Variants in DIPK1A observed in about 807,000 individuals in gnomAD.
DIPK1A encodes the protein divergent protein kinase domain 1A.
In DIPK1A, 27 loss-of-function variants were observed where a neutral mutation model predicts 40.8. The observed-to-expected ratio is 0.66, with a 90% CI of 0.49 to 0.91. DIPK1A has a LOEUF of 0.91. Ranked by LOEUF, DIPK1A falls within the 40% of genes least tolerant of loss-of-function variation. DIPK1A has a pLI of 0.00. For synonymous variants in DIPK1A, 166 were observed against 171.3 expected (o/e 0.97, Z 0.24); for missense variants, 412 against 505.7 (o/e 0.81, Z 1.78).
chr1:92,958,180 C>T (rs1466916031), intron 1 of DIPK1A, among the ~76,000 whole-genome samples: 1 of 152,182 alleles, frequency 6.6e-6, no homozygotes, highest in Admixed American at 6.5e-5. Flanking sequence ...CCTGCATTAG[C>T]TCATGAATGT....
At chr1:92,886,151 AGTGAG>A (rs1648588839) in intron 1 of DIPK1A, among the ~76,000 whole-genome samples, 1 of 152,072 alleles carries the variant, frequency 6.6e-6, no homozygotes, top group Admixed American at 6.6e-5. Context: ...TGGATAACAC[AGTGAG>A]ACCCTGTCTC....
chr1:92,886,169 C>A (rs1216778392), intron 1 of DIPK1A, among the ~76,000 whole-genome samples: 1 of 151,764 alleles, frequency 6.6e-6, no homozygotes, highest in Non-Finnish European at 1.5e-5. Flanking sequence ...CCTGTCTCTA[C>A]AAAAAATAAA....
intron 1 of DIPK1A, among the ~76,000 whole-genome samples, chr1:92,946,556 T>TTAA (rs1274715622): frequency 6.6e-6 from 1 of 152,244 alleles, no homozygotes; most frequent in Non-Finnish European, 1.5e-5. Context: ...AAATTACAAC[T>TTAA]ATCAAACAAT....
At chr1:92,875,818 C>G (rs1648095427) in intron 2 of DIPK1A, among the ~76,000 whole-genome samples, 1 of 151,392 alleles carries the variant, frequency 6.6e-6, no homozygotes, top group Admixed American at 6.6e-5. Flanking sequence ...TTAATGATCA[C>G]TACTAGAAAT....
chr1:92,889,939 C>T (rs1029702442), intron 1 of DIPK1A, among the ~76,000 whole-genome samples: 1 of 152,202 alleles, frequency 6.6e-6, no homozygotes, highest in Non-Finnish European at 1.5e-5. Context: ...CGTGAGCCAC[C>T]ATGCCCAGCT....
chr1:92,870,995 G>C (rs569997505), intron 2 of DIPK1A, among the ~76,000 whole-genome samples: 1 of 152,278 alleles, frequency 6.6e-6, no homozygotes, highest in East Asian at 1.9e-4. Flanking sequence ...TTAATCCCAA[G>C]AGCCGAATTT....
At chr1:92,846,407 G>A (rs934283189) in intron 4 of DIPK1A, among the ~76,000 whole-genome samples, 1 of 151,842 alleles carries the variant, frequency 6.6e-6, no homozygotes, top group Non-Finnish European at 1.5e-5. Flanking sequence ...TTTTGTATCT[G>A]TTAACCAACC....
intron 1 of DIPK1A, among the ~76,000 whole-genome samples, chr1:92,946,435 T>C (rs947274846): frequency 1.3e-5 from 2 of 152,158 alleles, no homozygotes; most frequent in African/African-American, 2.4e-5. Context: ...CATGTTCTCA[T>C]GTCCCTTCTA....
intron 2 of DIPK1A, among the ~76,000 whole-genome samples, chr1:92,857,023 T>C (rs1688008049): frequency 6.6e-6 from 1 of 152,186 alleles, no homozygotes; most frequent in Non-Finnish European, 1.5e-5. Flanking sequence ...ATAGAAACAA[T>C]TTCAGAATGA....
rs368546717 is a variant in DIPK1A at position 92,834,832 on chromosome 1, C to T, written c.475-1798G>A. ...TGATAGTCTGCGCAGCGTATGCACA[C>T]GAACTGCCAAAATATGGTGTGAAGG... On this transcript the variant is annotated intron_variant, in intron 4 of 4. Transcript: ENST00000615519. 1.6e-5 allele frequency: 26 copies of T among 1,611,256 alleles called. No individual in the cohort carries two copies. The highest frequency in any genetic ancestry group is 2.7e-5 in the African/African-American group (2 of 74,916).
At chr1:92,915,055 T>C (rs1403666613) in intron 1 of DIPK1A, among the ~76,000 whole-genome samples, 1 of 131,232 alleles carries the variant, frequency 7.6e-6, no homozygotes, top group African/African-American at 3.3e-5. Context: ...ACCACTGCAC[T>C]TCAGCCTGGG....
downstream of DIPK1A, among the ~76,000 whole-genome samples, chr1:92,838,500 A>T (rs182570728): frequency 1.3e-5 from 2 of 152,290 alleles, no homozygotes; most frequent in Non-Finnish European, 2.9e-5. Context: ...GTGCTTTCAG[A>T]TGTTTACTTC....
At chr1:92,847,806 G>A (rs539840389) in intron 3 of DIPK1A, among the ~76,000 whole-genome samples, 1 of 152,310 alleles carries the variant, frequency 6.6e-6, no homozygotes, top group Non-Finnish European at 1.5e-5. Context: ...CATAATCATA[G>A]CTCATTGCAG....
At chr1:92,844,768 T>C (rs1214909140) in intron 4 of DIPK1A, among the ~76,000 whole-genome samples, 1 of 152,118 alleles carries the variant, frequency 6.6e-6, no homozygotes, top group Admixed American at 6.5e-5. Context: ...ACAATAATTA[T>C]TTTGTTCAAA....
chr1:92,838,609 A>G (rs1487318953), downstream of DIPK1A, among the ~76,000 whole-genome samples: 1 of 152,184 alleles, frequency 6.6e-6, no homozygotes, highest in Non-Finnish European at 1.5e-5. Flanking sequence ...AGTGGCCTCT[A>G]TCCTCCTGTG....
intron 2 of DIPK1A, among the ~76,000 whole-genome samples, chr1:92,854,169 G>A (rs1231018346): frequency 6.6e-6 from 1 of 152,206 alleles, no homozygotes; most frequent in Non-Finnish European, 1.5e-5. Context: ...CTACAGGCAT[G>A]AGCCACTGTG....
intron 1 of DIPK1A, among the ~76,000 whole-genome samples, chr1:92,927,649 G>A (rs767515251): frequency 6.6e-5 from 10 of 151,986 alleles, no homozygotes; most frequent in African/African-American, 2.4e-4. Context: ...AAGCAAACAC[G>A]AATCAACTCT....
intron 2 of DIPK1A, among the ~76,000 whole-genome samples, chr1:92,851,945 G>T (rs192107949): frequency 5.8e-4 from 89 of 152,266 alleles, no homozygotes; most frequent in Non-Finnish European, 1.1e-3. Context: ...AGATAAGACA[G>T]GCCTGAATGA....
intron 1 of DIPK1A, among the ~76,000 whole-genome samples, chr1:92,945,662 T>C (rs1651331661): frequency 6.6e-6 from 1 of 152,218 alleles, no homozygotes; most frequent in Non-Finnish European, 1.5e-5. Context: ...TTCTATTTTC[T>C]ATAAACACAG....
Sources: allele counts gnomAD v4.1 joint callset (sites outside exome capture counted in the v4.1 genomes callset), GRCh38; gene constraint gnomAD v4.1.1; transcripts MANE v1.5; gene names NCBI Gene and HGNC (gene_info 2026-07-23, HGNC 2026-07-21).